Variants in CEP162 observed in about 807,000 individuals in gnomAD.
CEP162 encodes the protein centrosomal protein 162.
In CEP162, 141 loss-of-function variants were observed where a neutral mutation model predicts 169.2. That is an observed-to-expected ratio of 0.83 (90% CI 0.73 to 0.96). The LOEUF (loss-of-function observed/expected upper bound fraction) is 0.96, where lower values mean the gene tolerates loss of function less well. CEP162 is among the 40% of genes least tolerant of loss of function. CEP162 has a pLI of 0.00. For synonymous variants in CEP162, 540 were observed against 526.4 expected (o/e 1.03, Z -0.35); for missense variants, 1,600 against 1,587.2 (o/e 1.01, Z -0.14).
At chr6:84,165,194 C>G (rs2099527343) in intron 18 of CEP162, among the ~76,000 whole-genome samples, 1 of 151,944 alleles carries the variant, frequency 6.6e-6, no homozygotes, top group Admixed American at 6.6e-5. Context: ...AAATAGCAAG[C>G]CCCATCCTGG....
chr6:84,140,988 T>TATA (rs1332926343), intron 25 of CEP162, among the ~76,000 whole-genome samples: 6 of 152,194 alleles, frequency 3.9e-5, no homozygotes, highest in African/African-American at 1.4e-4. Flanking sequence ...GATTCTCTTA[T>TATA]ATAAGCCCAC....
At position 84,178,811 on chromosome 6, in the gene CEP162, C is replaced by A. The variant is rs369484839; in HGVS notation, c.1664-3464G>T. 2.9e-4 allele frequency among the ~76,000 whole-genome samples: 44 copies of A among 152,204 alleles called. No individual in the cohort carries two copies. In the East Asian group the frequency reaches 4.8e-3, roughly 17 times the overall value. ...TCTCCTAATGCTATACCTCCCCGCT[C>A]CCCCCAACCCCACGACAGGCCCTGG... On this transcript the variant is annotated intron_variant, in intron 13 of 26. Coordinates refer to ENST00000403245, the MANE Select transcript of CEP162 (RefSeq NM_014895.4).
chr6:84,140,854 ACT>A, intron 25 of CEP162, among the ~76,000 whole-genome samples: 1 of 152,248 alleles, frequency 6.6e-6, no homozygotes. Context: ...AAAATAGCTT[ACT>A]GGTCTAGAGC....
At chr6:84,184,281 G>A (rs1444480443) in intron 13 of CEP162, among the ~76,000 whole-genome samples, 1 of 152,078 alleles carries the variant, frequency 6.6e-6, no homozygotes, top group South Asian at 2.1e-4. Context: ...ACAAAGCAAA[G>A]CAAAAATGTT....
chr6:84,194,823 A>T, intron 10 of CEP162, 61 bp downstream of exon 10: 1 of 1,184,616 alleles, frequency 8.4e-7, no homozygotes, highest in Non-Finnish European at 1.2e-6. Flanking sequence ...TAATTATATT[A>T]CACTAAAAAC....
intron 5 of CEP162, among the ~76,000 whole-genome samples, chr6:84,213,348 A>C (rs1189380851): frequency 6.6e-6 from 1 of 152,212 alleles, no homozygotes; most frequent in Admixed American, 6.5e-5. Flanking sequence ...TCTACACTAA[A>C]GATTAGAAAC....
intron 18 of CEP162, among the ~76,000 whole-genome samples, chr6:84,166,193 A>G (rs144369728): frequency 1.4e-4 from 22 of 152,198 alleles, no homozygotes; most frequent in Non-Finnish European, 2.6e-4. Context: ...CTCTCTCATA[A>G]GTTACCGTGC....
At chr6:84,194,670 T>C in intron 10 of CEP162, among the ~76,000 whole-genome samples, 1 of 152,030 alleles carries the variant, frequency 6.6e-6, no homozygotes, top group East Asian at 1.9e-4. Context: ...CCCAGGATGG[T>C]CTCAATCTCT....
chr6:84,212,453 G>A (rs928694084), intron 6 of CEP162, among the ~76,000 whole-genome samples: 2 of 151,960 alleles, frequency 1.3e-5, no homozygotes, highest in Non-Finnish European at 2.9e-5. Context: ...TAAATACAGT[G>A]ATATAACATT....
At chr6:84,175,453 G>T in intron 13 of CEP162, 106 bp from the exon 14 acceptor site, 2 of 797,972 alleles carry the variant, frequency 2.5e-6, no homozygotes, top group South Asian at 3.7e-5. Context: ...CAAAAATGAG[G>T]ATCTCAGAAT....
chr6:84,207,911 T>C (rs2099547899), intron 6 of CEP162, among the ~76,000 whole-genome samples: 1 of 152,150 alleles, frequency 6.6e-6, no homozygotes, highest in Non-Finnish European at 1.5e-5. Context: ...GACTTTAATA[T>C]TTATTTTTAA....
chr6:84,155,780 A>G (rs1048173896), intron 21 of CEP162, among the ~76,000 whole-genome samples: 2 of 152,218 alleles, frequency 1.3e-5, no homozygotes, highest in African/African-American at 4.8e-5. Context: ...TGGAAGGATT[A>G]GTGTAGTTAA....
In CEP162 at chr6:84,142,783, C is replaced by T. The variant is rs572480878; in HGVS notation, c.3870+3904G>A. On this transcript the variant is annotated intron_variant, in intron 25 of 26. Coordinates refer to ENST00000403245, the MANE Select transcript of CEP162 (RefSeq NM_014895.4). ...TCATCCCCAAATCAAACGTGCAAGTCGAAGTACAGTATCCATTATTCCATG... is the reference window on the plus strand; with the variant it reads ...TCATCCCCAAATCAAACGTGCAAGTTGAAGTACAGTATCCATTATTCCATG... Among the ~76,000 whole-genome samples the T allele has an allele frequency of 3.0e-4, 46 of 152,142 alleles. 1 individual carries two copies. In the South Asian group the frequency reaches 7.9e-3, roughly 26 times the overall value.
chr6:84,173,036 T>C (rs2099530822), intron 16 of CEP162, among the ~76,000 whole-genome samples: 1 of 152,154 alleles, frequency 6.6e-6, no homozygotes, highest in Non-Finnish European at 1.5e-5. Context: ...AAATTCAAAA[T>C]TTTTTCACCC....
intron 6 of CEP162, among the ~76,000 whole-genome samples, chr6:84,204,850 G>C (rs1435194290): frequency 6.6e-6 from 1 of 151,656 alleles, no homozygotes; most frequent in African/African-American, 2.4e-5. Flanking sequence ...ATAAAGAAGA[G>C]AGAAGAATCA....
chr6:84,138,726 A>G (rs937997066), intron 25 of CEP162, among the ~76,000 whole-genome samples: 4 of 152,208 alleles, frequency 2.6e-5, no homozygotes, highest in African/African-American at 9.6e-5. Context: ...ACAACAATTA[A>G]GTTAACTAAA....
chr6:84,174,770 T>C lies in CEP162; in HGVS notation c.1982A>G (p.Glu661Gly), dbSNP rs1254424010. ...ATTATCTTGATTCAATTTGAAGAGT[T>C]CTTTTTCCTGTTGTTTCTTTAGTTC... Reference protein sequence around the residue: ...LEELKKQQEKELFKLNQDNYI... With the variant: ...LEELKKQQEKGLFKLNQDNYI... Residue 661 changes from glutamate (E) to glycine (G), a missense_variant, in exon 15 of 27, where the codon GAA becomes GGA. Glu to Gly is a moderately conservative substitution (Grantham distance 98, BLOSUM62 -2). Transcript: ENST00000403245. 6.4e-7 allele frequency: 1 copy of C among 1,554,576 alleles called. No homozygotes were observed. Among genetic ancestry groups the C allele is most frequent in the African/African-American group, 1.4e-5 (1 of 73,744 alleles).
intron 25 of CEP162, among the ~76,000 whole-genome samples, chr6:84,134,094 G>A (rs765965671): frequency 7.2e-5 from 11 of 152,198 alleles, no homozygotes; most frequent in South Asian, 2.1e-4. Context: ...CGGCTATGGC[G>A]GCTTTGCCAA....
At chr6:84,181,375 G>A (rs958167888) in intron 13 of CEP162, among the ~76,000 whole-genome samples, 3 of 152,096 alleles carry the variant, frequency 2.0e-5, no homozygotes, top group African/African-American at 7.2e-5. Flanking sequence ...AGACTTAAAC[G>A]TCAGACGTAA....
Sources: allele counts gnomAD v4.1 joint callset (sites outside exome capture counted in the v4.1 genomes callset), GRCh38; gene constraint gnomAD v4.1.1; transcripts MANE v1.5; gene names NCBI Gene and HGNC (gene_info 2026-07-23, HGNC 2026-07-21).